PTPRM: variants seen among roughly 807,000 people sequenced by gnomAD.
The protein encoded by PTPRM is protein tyrosine phosphatase receptor type M, also known as receptor-type tyrosine-protein phosphatase mu.
In PTPRM, 47 loss-of-function variants were observed where a neutral mutation model predicts 186.7. That is an observed-to-expected ratio of 0.25 (90% CI 0.20 to 0.32). The LOEUF is 0.32. Among genes scored for constraint, PTPRM ranks in the 10% least tolerant of loss-of-function variants. The pLI is 1.00. For missense variants in PTPRM, 1,494 were observed against 1,865.0 expected, an observed-to-expected ratio of 0.80 and a Z score of 3.66; for synonymous variants, 668 against 674.9, an observed-to-expected ratio of 0.99 and a Z score of 0.16.
At chr18:7,735,460 G>A (rs962228507) in intron 1 of PTPRM, among the ~76,000 whole-genome samples, 2 of 151,970 alleles carry the variant, frequency 1.3e-5, no homozygotes, top group African/African-American at 4.8e-5. Context: ...TTAAAACAGA[G>A]ATCTTAAGAC....
chr18:7,580,700 G>A (rs1232830045), intron 1 of PTPRM, among the ~76,000 whole-genome samples: 1 of 152,066 alleles, frequency 6.6e-6, no homozygotes, highest in Non-Finnish European at 1.5e-5. Context: ...GAGAATCAAC[G>A]GAGACTTTGG....
intron 32 of PTPRM, among the ~76,000 whole-genome samples, chr18:8,398,553 G>A (rs1299609434): frequency 6.6e-6 from 1 of 152,020 alleles, no homozygotes; most frequent in African/African-American, 2.4e-5. Flanking sequence ...ATCACCTGAG[G>A]TCAGGAGTTT....
intron 3 of PTPRM, among the ~76,000 whole-genome samples, chr18:7,898,435 C>T (rs577520388): frequency 6.6e-6 from 1 of 152,132 alleles, no homozygotes; most frequent in Admixed American, 6.5e-5. Flanking sequence ...TTCACTGAAG[C>T]GGGGAGGATC....
At chr18:7,952,019 G>A (rs1296737561) in intron 6 of PTPRM, among the ~76,000 whole-genome samples, 4 of 152,068 alleles carry the variant, frequency 2.6e-5, no homozygotes, top group Non-Finnish European at 5.9e-5. Context: ...CTTTATTCAT[G>A]TCTAGCCACT....
chr18:8,395,433 G>A (rs1355059228), intron 32 of PTPRM, among the ~76,000 whole-genome samples: 1 of 152,166 alleles, frequency 6.6e-6, no homozygotes, highest in Non-Finnish European at 1.5e-5. Flanking sequence ...AGCTGAATTT[G>A]AGGAAGTAGC....
intron 8 of PTPRM, among the ~76,000 whole-genome samples, chr18:8,070,969 T>C (rs1010094578): frequency 6.6e-6 from 1 of 152,244 alleles, no homozygotes; most frequent in Non-Finnish European, 1.5e-5. Flanking sequence ...GCTAAAAAAG[T>C]ATTTTTGAGT....
intron 22 of PTPRM, among the ~76,000 whole-genome samples, chr18:8,322,243 A>G (rs772055058): frequency 6.6e-6 from 1 of 152,220 alleles, no homozygotes; most frequent in Non-Finnish European, 1.5e-5. Flanking sequence ...AGGACATATT[A>G]TAAATTTAAG....
chr18:8,110,669 G>A (rs2091713989), intron 11 of PTPRM, among the ~76,000 whole-genome samples: 1 of 152,128 alleles, frequency 6.6e-6, no homozygotes, highest in South Asian at 2.1e-4. Context: ...CTCCCTGAAA[G>A]TAATTAATGA....
chr18:8,401,946 G>A lies in PTPRM; in HGVS notation c.4345-4163G>A, dbSNP rs1043436188. Among the ~76,000 whole-genome samples, 7 of 152,300 alleles carry A rather than the reference G, an allele frequency of 4.6e-5. No individual in the cohort carries two copies. The South Asian group carries it at 6.2e-4, about 14-fold the overall frequency. On this transcript the variant is annotated intron_variant, in intron 32 of 32. Coordinates refer to ENST00000580170, the MANE Select transcript of PTPRM (RefSeq NM_001105244.2). The stretch of plus-strand genomic sequence containing the variant: ...CTGACCCAAGGATGTGAGGAGGACC[G>A]GGCCAGGCTCCCACCTGAGCCCCTA...
chr18:8,277,273 G>T (rs1225587179), intron 19 of PTPRM, among the ~76,000 whole-genome samples: 1 of 152,114 alleles, frequency 6.6e-6, no homozygotes, highest in Non-Finnish European at 1.5e-5. Context: ...TGGAAATTGA[G>T]GTTATTGATG....
At chr18:7,686,897 A>G (rs978800912) in intron 1 of PTPRM, among the ~76,000 whole-genome samples, 5 of 152,340 alleles carry the variant, frequency 3.3e-5, no homozygotes, top group Admixed American at 3.3e-4. Flanking sequence ...GATTGAAGAT[A>G]AAAAAGAGGC....
At chr18:8,282,242 C>A (rs546213213) in intron 19 of PTPRM, among the ~76,000 whole-genome samples, 1 of 152,084 alleles carries the variant, frequency 6.6e-6, no homozygotes, top group African/African-American at 2.4e-5. Context: ...ATTAGAGCAG[C>A]CAAAATAAAA....
intron 2 of PTPRM, among the ~76,000 whole-genome samples, chr18:7,832,496 A>G (rs7227367): frequency 0.61 from 91,953 of 151,944 alleles, 28,176 homozygotes; most frequent in East Asian, 0.87. Flanking sequence ...AGTTGTTTGC[A>G]CTTCTTATAT....
intron 2 of PTPRM, among the ~76,000 whole-genome samples, chr18:7,848,390 C>T (rs375387655): frequency 6.6e-6 from 1 of 152,152 alleles, no homozygotes; most frequent in African/African-American, 2.4e-5. Flanking sequence ...AAGAATAGGC[C>T]AACCCCAATA....
At chr18:8,228,569 G>A (rs562914008) in intron 14 of PTPRM, among the ~76,000 whole-genome samples, 2 of 152,048 alleles carry the variant, frequency 1.3e-5, no homozygotes, top group East Asian at 3.9e-4. Flanking sequence ...TAGGCTGGGT[G>A]TGGTGGCTCA....
chr18:8,361,983 G>A (rs140088677), intron 23 of PTPRM, among the ~76,000 whole-genome samples: 78 of 152,288 alleles, frequency 5.1e-4, no homozygotes, highest in South Asian at 2.5e-3. Flanking sequence ...AAGTCAGAGA[G>A]GTCACATCTT....
chr18:8,051,992 A>G (rs2087534478), intron 7 of PTPRM, among the ~76,000 whole-genome samples: 1 of 152,112 alleles, frequency 6.6e-6, no homozygotes, highest in South Asian at 2.1e-4. Flanking sequence ...GATATGACCT[A>G]GGGATACAGC....
chr18:7,874,297 A>G (rs1462569596), intron 2 of PTPRM, among the ~76,000 whole-genome samples: 1 of 151,978 alleles, frequency 6.6e-6, no homozygotes, highest in African/African-American at 2.4e-5. Flanking sequence ...AGGCATATGC[A>G]ATTTTTGTTA....
intron 22 of PTPRM, among the ~76,000 whole-genome samples, chr18:8,321,860 C>A (rs2095348010): frequency 1.3e-5 from 2 of 152,144 alleles, no homozygotes; most frequent in Non-Finnish European, 2.9e-5. Context: ...AAGCTAGAAT[C>A]TTCTATTATA....
Sources: allele counts gnomAD v4.1 joint callset (sites outside exome capture counted in the v4.1 genomes callset), GRCh38; gene constraint gnomAD v4.1.1; transcripts MANE v1.5; gene names NCBI Gene and HGNC (gene_info 2026-07-23, HGNC 2026-07-21).